ITPR2: variants seen among roughly 807,000 people sequenced by gnomAD.
The protein encoded by ITPR2 is inositol 1,4,5-trisphosphate-gated calcium channel ITPR2.
Under a neutral mutation model 317.1 loss-of-function variants are expected in ITPR2, and 207 were observed. The ratio of observed to expected loss-of-function variants is 0.65; its 90% CI spans 0.58 to 0.73. The LOEUF (loss-of-function observed/expected upper bound fraction) is 0.73, where lower values mean the gene tolerates loss of function less well. ITPR2 is among the 30% of genes least tolerant of loss of function. The pLI, the probability that ITPR2 is intolerant of heterozygous loss-of-function variation, is 0.00. For missense variants in ITPR2, 2,613 were observed against 3,284.0 expected, an observed-to-expected ratio of 0.80 and a Z score of 4.99; for synonymous variants, 1,156 against 1,149.1, an observed-to-expected ratio of 1.01 and a Z score of -0.12.
At position 26,415,432 on chromosome 12, in the gene ITPR2, G is replaced by A. The variant is rs747657816; in HGVS notation, c.7177C>T (p.Arg2393Cys). 48 of 1,610,706 alleles carry A rather than the reference G, an allele frequency of 3.0e-5. No homozygotes were observed. The highest frequency in any genetic ancestry group is 1.8e-4 in the Admixed American group (11 of 59,718). ...AGGACTGCAGTTAGAATAATAGAGC[G>A]GCCATTTCGTGTGACACTTTTTATG... is the stretch of plus-strand genomic sequence containing the variant. ...NVIKSVTRNG[R>C]SIILTAVLAL... The change falls in exon 51 of 57, where the codon CGC (arginine) becomes TGC (cysteine). Residue 2393 changes from arginine (R) to cysteine (C), a missense_variant. Coordinates refer to ENST00000381340, the MANE Select transcript of ITPR2 (RefSeq NM_002223.4).
intron 26 of ITPR2, among the ~76,000 whole-genome samples, chr12:26,617,196 T>C (rs1211278076): frequency 2.0e-5 from 3 of 152,104 alleles, no homozygotes; most frequent in Non-Finnish European, 2.9e-5. Context: ...TTGAGCTGGA[T>C]AGAGCTAGAG....
At chr12:26,709,913 T>C (rs1158197023) in intron 9 of ITPR2, among the ~76,000 whole-genome samples, 1 of 152,240 alleles carries the variant, frequency 6.6e-6, no homozygotes, top group African/African-American at 2.4e-5. Flanking sequence ...ATGTGTTAGA[T>C]ACTTAAAAAA....
chr12:26,410,065 G>C (rs1363323601), intron 52 of ITPR2, among the ~76,000 whole-genome samples: 1 of 152,178 alleles, frequency 6.6e-6, no homozygotes. Context: ...CCAGTATCCA[G>C]AACAAGACAG....
At chr12:26,772,674 T>C (rs368270387) in intron 2 of ITPR2, among the ~76,000 whole-genome samples, 4 of 150,452 alleles carry the variant, frequency 2.7e-5, no homozygotes, top group African/African-American at 7.3e-5. Context: ...GAATTGCACA[T>C]GGTACCGTAT....
In ITPR2 at chr12:26,428,000, A is replaced by G. The variant is rs1941112021; in HGVS notation, c.6858T>C (p.Gly2286=). 6.2e-7 allele frequency: 1 copy of G among 1,613,334 alleles called. No individual in the cohort carries two copies. Among genetic ancestry groups the G allele is most frequent in the Non-Finnish European group, 8.5e-7 (1 of 1,179,534 alleles). ...SMLFFFSKPV[G]IRPFLVSIML... is the part of the protein sequence containing the mutation. Reference sequence around the variant, plus strand: ...TTATTGATACAAGAAACGGCCGAATACCCACAGGCTTGGAGAAGAAAAACA... The same window carrying G: ...TTATTGATACAAGAAACGGCCGAATGCCCACAGGCTTGGAGAAGAAAAACA... The change falls in exon 49 of 57, where the codon GGT becomes GGC. Residue 2286 remains glycine, a synonymous_variant. Transcript: ENST00000381340.
rs1411608038 is a variant in ITPR2 at position 26,415,350 on chromosome 12, T to C, written c.7259A>G (p.Asp2420Gly). 6.2e-7 allele frequency: 1 copy of C among 1,612,092 alleles called. No homozygotes were observed. Among genetic ancestry groups the C allele is most frequent in the Non-Finnish European group, 8.5e-7 (1 of 1,179,016 alleles). ...SIIGFLFLKD[D>G]FTMEVDRLKN... ...CAGCCTATCAACTTCCATAGTGAAGTCATCCTTCAAAAAAAGGAACCCAAT... is the reference window on the plus strand; with the variant it reads ...CAGCCTATCAACTTCCATAGTGAAGCCATCCTTCAAAAAAAGGAACCCAAT... The change falls in exon 51 of 57, where the codon GAC (aspartate) becomes GGC (glycine). Residue 2420 changes from aspartate to glycine, a missense_variant. Around this residue, in one of 9 missense-constraint regions of ITPR2, gnomAD observed 113 missense variants for 129.2 expected, o/e 0.87. Transcript: ENST00000381340.
intron 18 of ITPR2, among the ~76,000 whole-genome samples, 174 bp from the exon 19 acceptor site, chr12:26,656,722 A>G (rs1339413056): frequency 6.6e-6 from 1 of 152,212 alleles, no homozygotes; most frequent in East Asian, 1.9e-4. Context: ...CAAGACATAT[A>G]TGAAACTGTC....
At chr12:26,563,042 TA>T (rs1202982073) in intron 34 of ITPR2, among the ~76,000 whole-genome samples, 3 of 151,492 alleles carry the variant, frequency 2.0e-5, no homozygotes, top group African/African-American at 2.4e-5. Context: ...GACAACGGAT[TA>T]AAAAAAATAA....
Position 26,475,287 on chromosome 12 carries a change from A to G in ITPR2, c.6342+9T>C, listed in dbSNP as rs1429900404. On this transcript the variant is annotated intron_variant, in intron 45 of 56. Transcript: ENST00000381340. ...GAGCAAAATAATGTAAAGATATAAA[A>G]TGTGACACCTGATGGGCCAGAATAT... 5 of 1,613,372 alleles carry G rather than the reference A, an allele frequency of 3.1e-6. No homozygotes were observed. The highest frequency in any genetic ancestry group is 4.2e-6 in the Non-Finnish European group (5 of 1,179,820).
intron 21 of ITPR2, among the ~76,000 whole-genome samples, chr12:26,651,227 T>C (rs1398059359): frequency 6.6e-6 from 1 of 152,164 alleles, no homozygotes; most frequent in African/African-American, 2.4e-5. Context: ...ATTCATATGG[T>C]GGCTCTTCTT....
chr12:26,703,481 C>T (rs903493101), intron 9 of ITPR2, among the ~76,000 whole-genome samples: 8 of 152,056 alleles, frequency 5.3e-5, no homozygotes, highest in African/African-American at 1.7e-4. Flanking sequence ...ATCTTGAACC[C>T]GATAATTCTT....
At chr12:26,462,183 T>TG (rs1942053413) in intron 45 of ITPR2, among the ~76,000 whole-genome samples, 3 of 152,130 alleles carry the variant, frequency 2.0e-5, no homozygotes, top group Non-Finnish European at 4.4e-5. Context: ...TGTTTTGTTT[T>TG]TGAGACAAAG....
intron 2 of ITPR2, among the ~76,000 whole-genome samples, chr12:26,781,890 C>T (rs1950083240): frequency 6.6e-6 from 1 of 151,256 alleles, no homozygotes; most frequent in African/African-American, 2.4e-5. Flanking sequence ...TTCTTCTGTG[C>T]CGGATGCTTC....
chr12:26,473,146 C>T (rs149717449), intron 45 of ITPR2, among the ~76,000 whole-genome samples: 3 of 152,194 alleles, frequency 2.0e-5, no homozygotes, highest in Non-Finnish European at 4.4e-5. Flanking sequence ...CTCAGCCTCC[C>T]AAAGTCTTGG....
intron 54 of ITPR2, among the ~76,000 whole-genome samples, chr12:26,391,845 C>T (rs1939860320): frequency 6.6e-6 from 1 of 152,010 alleles, no homozygotes; most frequent in African/African-American, 2.4e-5. Flanking sequence ...AGATTACAGG[C>T]ATGAGCCACC....
chr12:26,587,054 A>C (rs1402803680), intron 32 of ITPR2, among the ~76,000 whole-genome samples: 2 of 151,742 alleles, frequency 1.3e-5, no homozygotes, highest in Middle Eastern at 3.4e-3. Flanking sequence ...ATTTCTGGCT[A>C]TTCATTTCAT....
intron 2 of ITPR2, among the ~76,000 whole-genome samples, chr12:26,784,319 GCCTCTCC>G: frequency 6.3e-5 from 2 of 31,706 alleles, no homozygotes; most frequent in Non-Finnish European, 1.1e-4. Context: ...CTCTCCCTCT[GCCTCTCC>G]CTCTCCCTCT....
At chr12:26,475,500 C>T in intron 44 of ITPR2, 82 bp from the exon 45 acceptor site, 1 of 1,479,972 alleles carries the variant, frequency 6.8e-7, no homozygotes, top group Non-Finnish European at 9.1e-7. Flanking sequence ...AAAAATTGGG[C>T]AGCTTCATAA....
At chr12:26,471,610 A>C (rs1185318184) in intron 45 of ITPR2, among the ~76,000 whole-genome samples, 1 of 152,196 alleles carries the variant, frequency 6.6e-6, no homozygotes, top group Non-Finnish European at 1.5e-5. Context: ...GAAAGGCCAA[A>C]AGAGATGTCA....
Sources: allele counts gnomAD v4.1 joint callset (sites outside exome capture counted in the v4.1 genomes callset), GRCh38; gene constraint gnomAD v4.1.1; regional missense constraint gnomAD v4.1.1; transcripts MANE v1.5; gene names NCBI Gene and HGNC (gene_info 2026-07-23, HGNC 2026-07-21).